The following TLE6 variants were observed in gnomAD, a reference collection of about 807,000 sequenced individuals.
The protein encoded by TLE6 is transducin-like enhancer protein 6.
In TLE6, 72 loss-of-function variants were observed where a neutral mutation model predicts 77.1. That is an observed-to-expected ratio of 0.93 (90% confidence interval 0.77 to 1.14). TLE6 has a LOEUF of 1.14. Ranked by LOEUF, TLE6 falls within the 50% of genes most tolerant of loss-of-function variation. The probability of loss-of-function intolerance (pLI) is 0.00; values close to 1 mark genes in which losing one functional copy is unlikely to be tolerated. For missense variants in TLE6, 843 were observed against 747.6 expected (o/e 1.13, Z -1.49); for synonymous variants, 366 against 287.3 (o/e 1.27, Z -2.77).
intron 5 of TLE6, among the ~76,000 whole-genome samples, chr19:2,983,356 G>T (rs1432787916): frequency 6.6e-6 from 1 of 152,156 alleles, no homozygotes; most frequent in Non-Finnish European, 1.5e-5. Flanking sequence ...CAAGGCGGGG[G>T]ATGGAAGAGA....
Position 2,995,093 on chromosome 19 carries a change from C to A in TLE6, c.*89C>A. 3.6e-6 allele frequency: 3 copies of A among 840,274 alleles called. No homozygotes were observed. The highest frequency in any genetic ancestry group is 3.6e-4 in the Middle Eastern group (1 of 2,810). 52.1% of individuals were successfully genotyped at this position (840,274 alleles called of 1,614,324 possible). On this transcript the variant is annotated 3_prime_UTR_variant, in exon 17 of 17. Transcript: ENST00000246112. Reference sequence around the variant, plus strand: ...ACAAGGGGGACATGGTGGAGGGAAGCGGGAAGGCTCTTCTGTGGCATCGCA... The same window carrying A: ...ACAAGGGGGACATGGTGGAGGGAAGAGGGAAGGCTCTTCTGTGGCATCGCA...
At chr19:2,993,342 C>A in intron 14 of TLE6, 90 bp from the exon 15 acceptor site, 1 of 1,393,072 alleles carries the variant, frequency 7.2e-7, no homozygotes, top group East Asian at 2.6e-5. Context: ...AGTCACCCGG[C>A]CTCCAGGATA....
At position 2,982,197 on chromosome 19, in the gene TLE6, ACCAGGAGCTCAGGGGTGCGG is replaced by A; in HGVS notation, c.222+10_222+29del. On this transcript the variant is annotated intron_variant, in intron 5 of 16. Transcript: ENST00000246112. ...GCAGAACATCACAAGCAGGTGGGTG[ACCAGGAGCTCAGGGGTGCGG>A]CTGTCCCTCCATGAAAGGCATGAGA... 1 of 1,551,238 alleles carries A rather than the reference ACCAGGAGCTCAGGGGTGCGG, an allele frequency of 6.4e-7. No individual in the cohort carries two copies. The highest frequency in any genetic ancestry group is 8.7e-7 in the Non-Finnish European group (1 of 1,146,890).
At chr19:2,981,702 G>A in intron 4 of TLE6, 119 bp downstream of exon 4, 1 of 1,097,006 alleles carries the variant, frequency 9.1e-7, no homozygotes, top group Non-Finnish European at 1.3e-6. Flanking sequence ...CAAGCACTGT[G>A]CCTCACGCCT....
intron 5 of TLE6, 71 bp downstream of exon 5, chr19:2,982,260 G>A (rs567002559): frequency 2.1e-5 from 32 of 1,504,824 alleles, no homozygotes; most frequent in Admixed American, 5.9e-5. Context: ...GAGGGGGGCC[G>A]GGCACAGTGG....
chr19:2,992,378 A>C (rs988377186), intron 14 of TLE6, among the ~76,000 whole-genome samples: 43 of 152,010 alleles, frequency 2.8e-4, no homozygotes, highest in African/African-American at 1.0e-3. Flanking sequence ...AGGCTGAGGC[A>C]GGAGAATCGC....
At chr19:2,994,839 A>G (rs401886) in intron 16 of TLE6, 61 bp from the exon 17 acceptor site, 777,633 of 941,556 alleles carry the variant, frequency 0.83, 322,879 homozygotes, top group East Asian at 0.95. Context: ...TTGAGCTGAC[A>G]GGTGGAGACC....
intron 1 of TLE6, among the ~76,000 whole-genome samples, chr19:2,977,879 C>T (rs1208986386): frequency 6.6e-6 from 1 of 152,150 alleles, no homozygotes; most frequent in Non-Finnish European, 1.5e-5. Flanking sequence ...TAAGGTTGAG[C>T]TTTGGCGACC....
chr19:2,989,550 C>T lies in TLE6; in HGVS notation c.1009C>T (p.Leu337=). 1 of 1,612,398 alleles carries T rather than the reference C, an allele frequency of 6.2e-7. No homozygotes were observed. The highest frequency in any genetic ancestry group is 1.1e-5 in the South Asian group (1 of 90,976). Residue 337 remains leucine, a synonymous_variant, in exon 13 of 17, where the codon CTG becomes TTG. Transcript: ENST00000246112. Reference sequence around the variant, plus strand: ...CCCATCCCAGACCCCTGGGGCCTTCCTGCGCACCTGCCTGCTGTCCTCAAA... The same window carrying T: ...CCCATCCCAGACCCCTGGGGCCTTCTTGCGCACCTGCCTGCTGTCCTCAAA... ...HLPIQTPGAF[L]RTCLLSSNSR...
chr19:2,992,321 A>G (rs1441626175), intron 14 of TLE6, among the ~76,000 whole-genome samples: 1 of 152,020 alleles, frequency 6.6e-6, no homozygotes, highest in Non-Finnish European at 1.5e-5. Context: ...AAAAATACAA[A>G]ATTGGCCAGG....
chr19:2,992,793 A>AAAAGGGGGGGGGGGGGG (rs1487334518), intron 14 of TLE6, among the ~76,000 whole-genome samples: 1 of 19,760 alleles, frequency 5.1e-5, no homozygotes, highest in South Asian at 2.6e-3. Flanking sequence ...AAAAAAAAAA[A>AAAAGGGGGGGGGGGGGG]GGGGGGGAGG....
Position 2,995,057 on chromosome 19 carries a change from C to CCT in TLE6, c.*54_*55insTC. 1 of 541,084 alleles carries CCT rather than the reference C, an allele frequency of 1.8e-6. No homozygotes were observed. The highest frequency in any genetic ancestry group is 2.7e-6 in the Non-Finnish European group (1 of 374,566). The allele number at this position is 541,084 out of a possible 1,614,324, so 33.5% of individuals were successfully genotyped here. A position where few individuals can be genotyped will look rare whatever the true frequency, so the allele number is the denominator to read the frequency against. Reference sequence around the variant, plus strand: ...GGCTCCTCTTTTCATCCCCCCCCTTCCCCCCCCCCAACAAGGGGGACATGG... The same window carrying CCT: ...GGCTCCTCTTTTCATCCCCCCCCTTCCTCCCCCCCCCAACAAGGGGGACATGG... On this transcript the variant is annotated 3_prime_UTR_variant, in exon 17 of 17. Coordinates refer to ENST00000246112, the MANE Select transcript of TLE6 (RefSeq NM_001143986.2).
intron 2 of TLE6, among the ~76,000 whole-genome samples, chr19:2,979,310 G>C (rs1334319026): frequency 1.4e-5 from 2 of 144,732 alleles, no homozygotes; most frequent in East Asian, 4.2e-4. Flanking sequence ...GCAGTGGCGC[G>C]ATCTCGGCTC....
At chr19:2,987,525 G>A in intron 8 of TLE6, 153 bp downstream of exon 8, 2 of 1,215,412 alleles carry the variant, frequency 1.6e-6, no homozygotes, top group Admixed American at 3.8e-5. Flanking sequence ...GATCCAGGAG[G>A]CTATACTGGA....
At chr19:2,983,597 C>G (rs540675147) in intron 5 of TLE6, among the ~76,000 whole-genome samples, 9 of 128,460 alleles carry the variant, frequency 7.0e-5, no homozygotes, top group African/African-American at 3.1e-4. Context: ...CGAGGAAGCC[C>G]GCATGGCTGG....
chr19:2,990,846 A>G (rs908178277), intron 13 of TLE6, among the ~76,000 whole-genome samples: 1 of 151,426 alleles, frequency 6.6e-6, no homozygotes, highest in Non-Finnish European at 1.5e-5. Flanking sequence ...ACTAAAAAAT[A>G]TGAAAATTAG....
At position 2,980,168 on chromosome 19, in the gene TLE6, C is replaced by G. The variant is rs1289049624; in HGVS notation, c.120C>G (p.Leu40=). ...TLNYQGILNR[L]KQFPRFSPHF... ...ATTATCAGGGCATTCTAAATCGGCT[C>G]AAGCAGTTCCCCAGGTGAGAGCAAT... is the stretch of plus-strand genomic sequence containing the variant. Residue 40 remains leucine, a synonymous_variant, in exon 3 of 17, where the codon CTC becomes CTG. Transcript: ENST00000246112. 4 of 1,548,016 alleles carry G rather than the reference C, an allele frequency of 2.6e-6. No individual in the cohort carries two copies. The highest frequency in any genetic ancestry group is 3.5e-6 in the Non-Finnish European group (4 of 1,144,844).
intron 13 of TLE6, among the ~76,000 whole-genome samples, chr19:2,990,558 C>T (rs955333447): frequency 1.9e-4 from 28 of 149,874 alleles, no homozygotes; most frequent in African/African-American, 6.6e-4. Flanking sequence ...GAGCCGAGAT[C>T]TGTGCCACTG....
In TLE6 at chr19:2,995,004, A is replaced by G; in HGVS notation, c.1719A>G (p.Ter573TrpextTer?). 6.3e-7 allele frequency: 1 copy of G among 1,594,744 alleles called. No individual in the cohort carries two copies. The highest frequency in any genetic ancestry group is 8.5e-7 in the Non-Finnish European group (1 of 1,170,608). Residue 573 changes from the stop codon to tryptophan, a stop_lost, in exon 17 of 17, where the codon TGA becomes TGG. Transcript: ENST00000246112. ...CCTCCGTGTACCAGATCACCTACTGAGGGGCCTCGCTGCTGTCATCCCACT... is the reference window on the plus strand; with the variant it reads ...CCTCCGTGTACCAGATCACCTACTGGGGGGCCTCGCTGCTGTCATCCCACT... ...EHASVYQITY* is the reference protein window; with the variant it reads ...EHASVYQITYW
Sources: gnomAD v4.1 joint callset for allele counts (sites outside exome capture counted in the v4.1 genomes callset) on GRCh38, gnomAD v4.1.1 for gene constraint, MANE v1.5 for transcripts, NCBI Gene and HGNC (gene_info 2026-07-23, HGNC 2026-07-21) for gene names.